Variants in ZNF567 observed in about 807,000 individuals in gnomAD.
ZNF567 encodes zinc finger protein 567.
A neutral mutation model predicts 53.9 loss-of-function variants in ZNF567; 36 were observed. That is an observed-to-expected ratio of 0.67 (90% CI 0.51 to 0.88). The LOEUF (loss-of-function observed/expected upper bound fraction) is 0.88, where lower values mean the gene tolerates loss of function less well. ZNF567 is among the 40% of genes least tolerant of loss of function. The probability of loss-of-function intolerance (pLI) is 0.00; values close to 1 mark genes in which losing one functional copy is unlikely to be tolerated. For synonymous variants in ZNF567, 224 were observed against 260.4 expected, an observed-to-expected ratio of 0.86 and a Z score of 1.35; for missense variants, 619 against 764.7, an observed-to-expected ratio of 0.81 and a Z score of 2.25.
At chr19:36,713,502 C>T (rs977910613) in intron 5 of ZNF567, among the ~76,000 whole-genome samples, 2 of 151,770 alleles carry the variant, frequency 1.3e-5, no homozygotes, top group Admixed American at 1.3e-4. Context: ...TCCAGCTACT[C>T]AGAAGGTTGA....
the ZNF567 span, among the ~76,000 whole-genome samples, chr19:36,678,478 C>G: frequency 2.6e-4 from 40 of 152,238 alleles, no homozygotes; most frequent in African/African-American, 8.2e-4. Flanking sequence ...GGAGAAAATA[C>G]TTGCAAATCA....
chr19:36,701,570 C>G (rs1016755777), intron 3 of ZNF567, among the ~76,000 whole-genome samples: 4 of 152,020 alleles, frequency 2.6e-5, no homozygotes, highest in African/African-American at 7.2e-5. Context: ...AAGTCTCTTT[C>G]TAGGTCTCTA....
intron 5 of ZNF567, among the ~76,000 whole-genome samples, chr19:36,715,044 C>A (rs1055893637): frequency 3.3e-5 from 5 of 152,102 alleles, no homozygotes; most frequent in African/African-American, 1.2e-4. Context: ...TTTCTCCTAC[C>A]TTCACTCCAG....
chr19:36,678,672 T>A, the ZNF567 span, among the ~76,000 whole-genome samples: 1 of 149,852 alleles, frequency 6.7e-6, no homozygotes, highest in Non-Finnish European at 1.5e-5. Flanking sequence ...TGAAACCCCA[T>A]CTCTACTAAA....
At chr19:36,724,681 CAA>C (rs577726722), downstream of ZNF567, among the ~76,000 whole-genome samples, 7 of 117,274 alleles carry the variant, frequency 6.0e-5, no homozygotes, top group Admixed American at 9.4e-5. Context: ...GACTTCATCT[CAA>C]AAAAAAAAAA....
chr19:36,709,945 G>A (rs2039691039), intron 3 of ZNF567, among the ~76,000 whole-genome samples: 1 of 152,158 alleles, frequency 6.6e-6, no homozygotes, highest in Non-Finnish European at 1.5e-5. Context: ...TCCTTTTAGG[G>A]TTAATTAAAC....
At chr19:36,704,875 G>A (rs77714046) in intron 3 of ZNF567, among the ~76,000 whole-genome samples, 4 of 152,138 alleles carry the variant, frequency 2.6e-5, no homozygotes, top group African/African-American at 9.7e-5. Context: ...TTCAATTTTG[G>A]TAATAGAATG....
At chr19:36,723,398 C>T, downstream of ZNF567, 2 of 601,462 alleles carry the variant, frequency 3.3e-6, no homozygotes. Context: ...CATGAAATAG[C>T]CATGTACTGT....
Position 36,718,928 on chromosome 19 carries a change from T to A in ZNF567, c.224-20T>A. ...ATGTGTGAAGATTCACAAATTGTTA[T>A]CAATTATATTCTTTTCTAGAAGAAA... On this transcript the variant is annotated intron_variant, in intron 5 of 5. Transcript: ENST00000682579. 1 of 1,521,118 alleles carries A rather than the reference T, an allele frequency of 6.6e-7. No homozygotes were observed. The highest frequency in any genetic ancestry group is 1.3e-5 in the South Asian group (1 of 74,494). 94.2% of individuals were successfully genotyped at this position (1,521,118 alleles called of 1,614,324 possible).
intron 3 of ZNF567, among the ~76,000 whole-genome samples, chr19:36,706,325 G>A (rs976191856): frequency 2.4e-4 from 36 of 152,124 alleles, no homozygotes; most frequent in East Asian, 1.9e-3. Flanking sequence ...ATAGGGCCTC[G>A]CTTTGTAGCC....
chr19:36,686,751 C>T (rs2145485589), upstream of ZNF567: 1 of 152,366 alleles, frequency 6.6e-6, no homozygotes, highest in Admixed American at 6.5e-5. Context: ...TATTCCACCA[C>T]TCGATTATCC....
chr19:36,722,948 G>A (rs1159801941), downstream of ZNF567, among the ~76,000 whole-genome samples: 5 of 151,964 alleles, frequency 3.3e-5, no homozygotes, highest in East Asian at 9.6e-4. Context: ...ATTTATATAT[G>A]CATAAAGATT....
At chr19:36,681,076 A>T in the ZNF567 span, among the ~76,000 whole-genome samples, 1 of 152,148 alleles carries the variant, frequency 6.6e-6, no homozygotes, top group East Asian at 1.9e-4. Flanking sequence ...AACAGAATAC[A>T]TTGTTATATT....
chr19:36,667,298 A>G, the ZNF567 span, among the ~76,000 whole-genome samples: 1 of 151,880 alleles, frequency 6.6e-6, no homozygotes, highest in Non-Finnish European at 1.5e-5. Flanking sequence ...CGGGCGGATC[A>G]CCGAGACCAG....
upstream of ZNF567, among the ~76,000 whole-genome samples, chr19:36,683,095 A>G (rs1371695808): frequency 2.7e-5 from 4 of 150,604 alleles, no homozygotes. Flanking sequence ...TTTTTGAGGC[A>G]TGGTCTCACT....
the ZNF567 span, among the ~76,000 whole-genome samples, chr19:36,679,285 C>T: frequency 2.6e-5 from 4 of 152,090 alleles, no homozygotes; most frequent in African/African-American, 9.7e-5. Flanking sequence ...GACTCCATCC[C>T]CCCCAAAAAA....
the ZNF567 span, among the ~76,000 whole-genome samples, chr19:36,674,331 T>C: frequency 2.0e-5 from 3 of 152,118 alleles, no homozygotes; most frequent in African/African-American, 7.2e-5. Context: ...ACAGGGGAAA[T>C]AAAAGTAAGT....
chr19:36,722,358 A>G (rs2040312148), downstream of ZNF567, among the ~76,000 whole-genome samples: 1 of 152,066 alleles, frequency 6.6e-6, no homozygotes, highest in South Asian at 2.1e-4. Flanking sequence ...CTGGAGTGCA[A>G]TGACATGGTC....
chr19:36,708,701 T>C (rs2039622525), intron 3 of ZNF567, among the ~76,000 whole-genome samples: 1 of 152,232 alleles, frequency 6.6e-6, no homozygotes, highest in Non-Finnish European at 1.5e-5. Context: ...TTTTGCAGAA[T>C]GCCATTTGGT....
Sources: allele counts gnomAD v4.1 joint callset (sites outside exome capture counted in the v4.1 genomes callset), GRCh38; gene constraint gnomAD v4.1.1; transcripts MANE v1.5; gene names NCBI Gene and HGNC (gene_info 2026-07-23, HGNC 2026-07-21).